CAMK2D: variants seen among roughly 807,000 people sequenced by gnomAD.
CAMK2D encodes calcium/calmodulin-dependent protein kinase type II subunit delta.
A neutral mutation model predicts 84.0 loss-of-function variants in CAMK2D; 37 were observed. That is an observed-to-expected ratio of 0.44 (90% CI 0.34 to 0.58). The LOEUF (loss-of-function observed/expected upper bound fraction) is 0.58. CAMK2D is among the 20% of genes least tolerant of loss of function. CAMK2D has a pLI of 0.02. For missense variants in CAMK2D, 448 were observed against 652.5 expected, an observed-to-expected ratio of 0.69 and a Z score of 3.41; for synonymous variants, 202 against 212.5, an observed-to-expected ratio of 0.95 and a Z score of 0.43.
chr4:113,555,820 G>A (rs2098660776), intron 4 of CAMK2D, among the ~76,000 whole-genome samples: 1 of 152,154 alleles, frequency 6.6e-6, no homozygotes. Flanking sequence ...AACTCCCAAA[G>A]TGCTGATATT....
chr4:113,612,304 A>G (rs1304856594), intron 3 of CAMK2D, among the ~76,000 whole-genome samples: 2 of 152,164 alleles, frequency 1.3e-5, no homozygotes, highest in East Asian at 1.9e-4. Context: ...AGTATCCTTC[A>G]TTTCCTATTC....
At chr4:113,729,966 C>T (rs954892666) in intron 2 of CAMK2D, among the ~76,000 whole-genome samples, 1 of 152,130 alleles carries the variant, frequency 6.6e-6, no homozygotes, top group African/African-American at 2.4e-5. Flanking sequence ...TGTTTATAAG[C>T]CACCCAGTCT....
chr4:113,471,196 A>T (rs1316536638), intron 16 of CAMK2D, among the ~76,000 whole-genome samples: 1 of 152,038 alleles, frequency 6.6e-6, no homozygotes, highest in Admixed American at 6.6e-5. Context: ...TCTGGATTCA[A>T]TTCTTTCTTT....
chr4:113,466,949 G>T (rs970111761), intron 16 of CAMK2D, among the ~76,000 whole-genome samples: 1 of 152,152 alleles, frequency 6.6e-6, no homozygotes, highest in African/African-American at 2.4e-5. Context: ...CGAGGGCAAA[G>T]AACATTTTAT....
rs777903488 is a variant in CAMK2D at position 113,537,321 on chromosome 4, A to G, written c.517+20T>C. 3.8e-6 allele frequency: 5 copies of G among 1,311,966 alleles called. No individual in the cohort carries two copies. Among genetic ancestry groups the G allele is most frequent in the Non-Finnish European group, 5.5e-6 (5 of 911,590 alleles). The allele number at this position is 1,311,966 out of a possible 1,614,324, so 81.3% of individuals were successfully genotyped here. On this transcript the variant is annotated intron_variant, in intron 7 of 20. Transcript: ENST00000511664. Reference sequence around the variant, plus strand: ...AAGCCAGAAGACTATAGGTAGCATGAAGGAGGGGGCCCTACTCACCAAACC... The same window carrying G: ...AAGCCAGAAGACTATAGGTAGCATGGAGGAGGGGGCCCTACTCACCAAACC...
intron 2 of CAMK2D, among the ~76,000 whole-genome samples, chr4:113,714,912 T>C (rs1205986337): frequency 6.6e-6 from 1 of 152,138 alleles, no homozygotes; most frequent in Non-Finnish European, 1.5e-5. Context: ...TATCAAGTTA[T>C]ATGAAAACCC....
At chr4:113,585,812 A>T (rs1459586362) in intron 4 of CAMK2D, among the ~76,000 whole-genome samples, 1 of 152,190 alleles carries the variant, frequency 6.6e-6, no homozygotes, top group African/African-American at 2.4e-5. Flanking sequence ...TTAAAAATGC[A>T]GTTCCAGTTT....
At chr4:113,717,153 A>G (rs1022141059) in intron 2 of CAMK2D, among the ~76,000 whole-genome samples, 1 of 152,190 alleles carries the variant, frequency 6.6e-6, no homozygotes, top group African/African-American at 2.4e-5. Flanking sequence ...AGCAATTATC[A>G]TCACAAATTA....
At chr4:113,754,917 T>C (rs1220529204) in intron 2 of CAMK2D, 5 of 984,358 alleles carry the variant, frequency 5.1e-6, no homozygotes, top group Non-Finnish European at 6.0e-6. Context: ...AATTTTTTTC[T>C]TAAAATGTTG....
At chr4:113,662,781 A>G (rs2154314913) in intron 2 of CAMK2D, among the ~76,000 whole-genome samples, 1 of 152,328 alleles carries the variant, frequency 6.6e-6, no homozygotes, top group Admixed American at 6.5e-5. Context: ...AAAGGAAAAT[A>G]ATGTTTTAGT....
intron 2 of CAMK2D, among the ~76,000 whole-genome samples, chr4:113,683,049 C>T (rs911229570): frequency 2.6e-5 from 4 of 152,170 alleles, no homozygotes; most frequent in African/African-American, 9.7e-5. Flanking sequence ...AGTCAATGCT[C>T]ATCCAACATC....
chr4:113,594,254 C>T (rs939273506), intron 4 of CAMK2D, among the ~76,000 whole-genome samples: 2 of 152,146 alleles, frequency 1.3e-5, no homozygotes, highest in East Asian at 1.9e-4. Context: ...ACCCCATGAT[C>T]GAATCACCTC....
intron 11 of CAMK2D, 76 bp from the exon 12 acceptor site, chr4:113,513,446 T>C: frequency 2.2e-6 from 2 of 923,104 alleles, no homozygotes; most frequent in Non-Finnish European, 3.5e-6. Context: ...GAGTCTTTGA[T>C]AACAAATCTT....
Position 113,749,698 on chromosome 4 carries a change from C to T in CAMK2D, c.160+9622G>A, listed in dbSNP as rs17046471. Among the ~76,000 whole-genome samples the T allele has an allele frequency of 6.8e-3, 1,041 of 152,088 alleles. 18 individuals are homozygous for T. The highest frequency in any genetic ancestry group is 0.023 in the African/African-American group (970 of 41,484). On this transcript the variant is annotated intron_variant, in intron 2 of 20. Transcript: ENST00000511664. Reference sequence around the variant, plus strand: ...CACACAGACCATGAAAATGTTAGCCCTCATTAATGAGCCACTTTATAATAC... The same window carrying T: ...CACACAGACCATGAAAATGTTAGCCTTCATTAATGAGCCACTTTATAATAC...
chr4:113,743,053 G>T (rs2099596432), intron 2 of CAMK2D, among the ~76,000 whole-genome samples: 2 of 152,156 alleles, frequency 1.3e-5, no homozygotes, highest in African/African-American at 2.4e-5. Context: ...AGTAGAAAAA[G>T]AAATATGTTA....
At chr4:113,709,781 A>G (rs543422988) in intron 2 of CAMK2D, among the ~76,000 whole-genome samples, 4 of 125,312 alleles carry the variant, frequency 3.2e-5, no homozygotes, top group African/African-American at 1.3e-4. Context: ...ATATATATAT[A>G]TGAGAGACTT....
intron 4 of CAMK2D, among the ~76,000 whole-genome samples, chr4:113,601,643 T>C (rs2098952575): frequency 6.6e-6 from 1 of 151,382 alleles, no homozygotes; most frequent in Admixed American, 6.6e-5. Flanking sequence ...GGGTTTGCTA[T>C]TTAAAATATA....
intron 16 of CAMK2D, among the ~76,000 whole-genome samples, chr4:113,495,422 A>G (rs2097915193): frequency 1.3e-5 from 2 of 152,226 alleles, no homozygotes; most frequent in Admixed American, 1.3e-4. Context: ...GTACCATGAG[A>G]TCATCTGCCT....
At chr4:113,754,780 T>C (rs1400166132) in intron 2 of CAMK2D, 12 of 979,908 alleles carry the variant, frequency 1.2e-5, no homozygotes, top group Non-Finnish European at 1.5e-5. Flanking sequence ...TCAAGACCTA[T>C]AGAAGAATGT....
Sources: gnomAD v4.1 joint callset for allele counts (sites outside exome capture counted in the v4.1 genomes callset) on GRCh38, gnomAD v4.1.1 for gene constraint, MANE v1.5 for transcripts, NCBI Gene and HGNC (gene_info 2026-07-23, HGNC 2026-07-21) for gene names.